Variants in ITFG1 observed in about 807,000 individuals in gnomAD.
The protein encoded by ITFG1 is T-cell immunomodulatory protein.
ITFG1 carries 34 observed loss-of-function variants against 81.8 expected under a neutral mutation model. The observed-to-expected ratio is 0.42, with a 90% CI of 0.32 to 0.55. The LOEUF (loss-of-function observed/expected upper bound fraction) is 0.55, where lower values mean the gene tolerates loss of function less well. Ranked by LOEUF, ITFG1 falls within the 20% of genes least tolerant of loss-of-function variation. The pLI is 0.17. For synonymous variants in ITFG1, 285 were observed against 270.6 expected (o/e 1.05, Z -0.52); for missense variants, 672 against 755.4 (o/e 0.89, Z 1.29).
chr16:47,390,244 G>C (rs532970814), intron 6 of ITFG1, among the ~76,000 whole-genome samples: 4 of 152,278 alleles, frequency 2.6e-5, no homozygotes, highest in African/African-American at 7.2e-5. Flanking sequence ...GCATGGCATG[G>C]GCTGACATCA....
intron 6 of ITFG1, among the ~76,000 whole-genome samples, chr16:47,378,364 G>A (rs967488980): frequency 1.3e-5 from 2 of 152,226 alleles, no homozygotes; most frequent in Non-Finnish European, 2.9e-5. Flanking sequence ...TTAGAAGAAT[G>A]ACTCTGTGAC....
At chr16:47,372,833 CT>C (rs1968274970) in intron 7 of ITFG1, among the ~76,000 whole-genome samples, 1 of 152,178 alleles carries the variant, frequency 6.6e-6, no homozygotes. Context: ...ATATCTAACC[CT>C]TTTTGTCTAT....
At chr16:47,305,371 AAAGACATTTTTC>A (rs1271098618) in intron 10 of ITFG1, among the ~76,000 whole-genome samples, 1 of 151,758 alleles carries the variant, frequency 6.6e-6, no homozygotes, top group Admixed American at 6.5e-5. Context: ...TGAGCTGAAC[AAAGACATTTTTC>A]AAGAACACAG....
intron 5 of ITFG1, among the ~76,000 whole-genome samples, chr16:47,431,306 T>C (rs1969092702): frequency 1.3e-5 from 2 of 152,208 alleles, no homozygotes; most frequent in Admixed American, 1.3e-4. Flanking sequence ...CATCACCTCA[T>C]GAGCTCCGTC....
chr16:47,439,105 T>A (rs190614896), intron 5 of ITFG1, among the ~76,000 whole-genome samples: 48 of 152,120 alleles, frequency 3.2e-4, no homozygotes, highest in African/African-American at 8.9e-4. Context: ...ACGAAATGAA[T>A]GAAATGAAGC....
intron 5 of ITFG1, among the ~76,000 whole-genome samples, chr16:47,444,163 T>A (rs1182848794): frequency 1.3e-5 from 2 of 152,220 alleles, no homozygotes; most frequent in East Asian, 3.8e-4. Flanking sequence ...CAATGTATAT[T>A]GTAGGACACA....
intron 6 of ITFG1, among the ~76,000 whole-genome samples, chr16:47,415,901 T>C (rs891475160): frequency 1.3e-5 from 2 of 151,930 alleles, no homozygotes; most frequent in African/African-American, 4.8e-5. Context: ...CGAGCCCAGC[T>C]TGGCCAACAT....
intron 6 of ITFG1, among the ~76,000 whole-genome samples, chr16:47,398,466 A>C (rs1968619665): frequency 6.6e-6 from 1 of 152,232 alleles, no homozygotes; most frequent in Non-Finnish European, 1.5e-5. Flanking sequence ...TTAAGCTTCT[A>C]GATTTGTACC....
intron 8 of ITFG1, 152 bp downstream of exon 8, chr16:47,365,636 T>C (rs1056066341): frequency 3.8e-6 from 2 of 530,860 alleles, no homozygotes; most frequent in Non-Finnish European, 6.7e-6. Flanking sequence ...TCACATACAA[T>C]ACTATTATGG....
intron 10 of ITFG1, among the ~76,000 whole-genome samples, chr16:47,262,441 G>A (rs769614423): frequency 2.4e-4 from 37 of 152,172 alleles, no homozygotes; most frequent in Non-Finnish European, 5.3e-4. Flanking sequence ...ATTTCACAGA[G>A]ATGTAGCACA....
chr16:47,453,676 G>A lies in ITFG1; in HGVS notation c.427+337C>T, dbSNP rs929780082. Among the ~76,000 whole-genome samples the A allele has an allele frequency of 2.4e-4, 36 of 152,180 alleles. 1 individual carries two copies. Among genetic ancestry groups the A allele is most frequent in the Non-Finnish European group, 4.7e-4 (32 of 68,028 alleles). On this transcript the variant is annotated intron_variant, in intron 3 of 17. Transcript: ENST00000320640. ...TTGTGTAACTAGCCACTTCTGATAG[G>A]GGAAAGAGGCAGTAGCTTTTTTGAT...
chr16:47,294,773 A>C (rs1462319052), intron 10 of ITFG1, among the ~76,000 whole-genome samples: 2 of 151,972 alleles, frequency 1.3e-5, no homozygotes, highest in South Asian at 2.1e-4. Context: ...GGTCTTGAGG[A>C]TTTTTCTAGG....
intron 17 of ITFG1, among the ~76,000 whole-genome samples, chr16:47,158,094 T>C (rs1200972469): frequency 6.6e-6 from 1 of 152,202 alleles, no homozygotes; most frequent in Non-Finnish European, 1.5e-5. Flanking sequence ...AAGATGTTTA[T>C]GGCTTTTTTC....
intron 14 of ITFG1, 46 bp from the exon 15 acceptor site, chr16:47,162,710 A>C: frequency 6.7e-7 from 1 of 1,494,940 alleles, no homozygotes; most frequent in Non-Finnish European, 9.0e-7. Context: ...CTCTGGAAAC[A>C]TTGCTCCCAT....
chr16:47,184,964 G>T (rs1244352248), intron 14 of ITFG1, among the ~76,000 whole-genome samples: 3 of 151,398 alleles, frequency 2.0e-5, no homozygotes, highest in Non-Finnish European at 4.4e-5. Flanking sequence ...ACAAAAAAAG[G>T]CAGGGGTTGC....
intron 5 of ITFG1, chr16:47,448,252 A>G (rs1477206545): frequency 6.6e-6 from 1 of 152,228 alleles, no homozygotes; most frequent in Non-Finnish European, 1.5e-5. Flanking sequence ...CAAAATCAAC[A>G]GTAAAACTGA....
rs1254977582 is a variant in ITFG1 at position 47,454,096 on chromosome 16, T to C, written c.344A>G (p.Asp115Gly). The C allele has an allele frequency of 1.2e-6, 2 of 1,606,176 alleles. No individual in the cohort carries two copies. ...PGDYDGDSQM[D>G]VLLTYLPKNY... is the part of the protein sequence containing the mutation. ...TTTGGGAAGATATGTCAGAAGGACA[T>C]CCATTTGAGAATCTCCATCATAATC... Residue 115 changes from aspartate to glycine, a missense_variant, in exon 3 of 18, where the codon GAT becomes GGT. By Grantham distance (94) the Asp-to-Gly change is moderately conservative (BLOSUM62 -1). Transcript: ENST00000320640.
intron 5 of ITFG1, among the ~76,000 whole-genome samples, chr16:47,432,350 T>C (rs1293923321): frequency 6.6e-6 from 1 of 152,228 alleles, no homozygotes; most frequent in Non-Finnish European, 1.5e-5. Flanking sequence ...AGGTTTATAA[T>C]TGTGAATTTG....
chr16:47,348,123 GAA>G (rs993599934), intron 8 of ITFG1, among the ~76,000 whole-genome samples: 1 of 152,168 alleles, frequency 6.6e-6, no homozygotes, highest in Non-Finnish European at 1.5e-5. Context: ...AAACAGAACA[GAA>G]AAACTGAAAA....
Sources: gnomAD v4.1 joint callset for allele counts (sites outside exome capture counted in the v4.1 genomes callset) on GRCh38, gnomAD v4.1.1 for gene constraint, MANE v1.5 for transcripts, NCBI Gene and HGNC (gene_info 2026-07-23, HGNC 2026-07-21) for gene names.